FBXO44: variants seen among roughly 807,000 people sequenced by gnomAD.
The protein encoded by FBXO44 is F-box only protein 44.
A neutral mutation model predicts 33.5 loss-of-function variants in FBXO44; 25 were observed. That is an observed-to-expected ratio of 0.75 (90% CI 0.54 to 1.04). The LOEUF is 1.04. FBXO44 is among the 50% of genes least tolerant of loss of function. The pLI is 0.00. For missense variants in FBXO44, 311 were observed against 344.0 expected (o/e 0.90, Z 0.76); for synonymous variants, 147 against 152.8 (o/e 0.96, Z 0.28).
In FBXO44 at chr1:11,655,999, G is replaced by T. The variant is rs1333806313; in HGVS notation, c.164G>T (p.Gly55Val). Residue 55 changes from glycine to valine, a missense_variant, in exon 2 of 6, where the codon GGC (glycine) becomes GTC (valine). Transcript: ENST00000251547. ...TGGAAACGCAAGTGCCTGCGAGAGG[G>T]CTTCATCACTGAGGACTGGGACCAG... ...TLWKRKCLREGFITEDWDQPV... is the reference protein window; with the variant it reads ...TLWKRKCLREVFITEDWDQPV... 15 of 1,614,050 alleles carry T rather than the reference G, an allele frequency of 9.3e-6. No homozygotes were observed. Among genetic ancestry groups the T allele is most frequent in the Non-Finnish European group, 1.3e-5 (15 of 1,180,050 alleles).
chr1:11,658,131 G>C, intron 2 of FBXO44, 136 bp from the exon 3 acceptor site: 1 of 1,437,280 alleles, frequency 7.0e-7, no homozygotes, highest in Non-Finnish European at 9.5e-7. Flanking sequence ...TGGGCACTGT[G>C]ATCTGCAGCG....
At position 11,663,114 on chromosome 1, in the gene FBXO44, GC is replaced by G. The variant is rs1640281695; in HGVS notation, c.*1844del. 6.6e-6 allele frequency: 1 copy of G among 151,986 alleles called. No individual in the cohort carries two copies. The highest frequency in any genetic ancestry group is 2.1e-4 in the South Asian group (1 of 4,802). The allele number at this position is 151,986 out of a possible 1,614,324, so 9.4% of individuals were successfully genotyped here. On this transcript the variant is annotated 3_prime_UTR_variant, in exon 6 of 6. Coordinates refer to ENST00000251547, the MANE Select transcript of FBXO44 (RefSeq NM_033182.7). ...TGAGACTACAGGCGCCCACCACCATGCCCGGCTAATTTTGTTTGTATTTTTA... is the reference window on the plus strand; with the variant it reads ...TGAGACTACAGGCGCCCACCACCATGCCGGCTAATTTTGTTTGTATTTTTA...
At chr1:11,656,680 C>T (rs958796328) in intron 2 of FBXO44, among the ~76,000 whole-genome samples, 12 of 152,252 alleles carry the variant, frequency 7.9e-5, no homozygotes, top group Non-Finnish European at 5.9e-5. Flanking sequence ...CCAGGCTGGT[C>T]TCAAACTCCT....
rs1303534557 is a variant in FBXO44 at position 11,654,884 on chromosome 1, A to C, written c.-99A>C. ...GGGCCGGGGCGGGGCCTCGCTTTCCAGGCAAGCGCAGGTCCAGGCGGTGCA... is the reference window on the plus strand; with the variant it reads ...GGGCCGGGGCGGGGCCTCGCTTTCCCGGCAAGCGCAGGTCCAGGCGGTGCA... On this transcript the variant is annotated 5_prime_UTR_variant, in exon 1 of 6. Transcript: ENST00000251547. 1 of 142,808 alleles carries C rather than the reference A, an allele frequency of 7.0e-6. No individual in the cohort carries two copies. Among genetic ancestry groups the C allele is most frequent in the South Asian group, 1.9e-4 (1 of 5,260 alleles). 8.8% of individuals were successfully genotyped at this position (142,808 alleles called of 1,614,324 possible).
In FBXO44 at chr1:11,658,406, G is replaced by T. The variant is rs759974680; in HGVS notation, c.392+13G>T. ...TTACTTCATATTAGTAAGATCCGGG[G>T]ACTTGGGGTAGGGGAAAGCCCAAAT... On this transcript the variant is annotated intron_variant, in intron 3 of 5. Transcript: ENST00000251547. 1 of 1,613,840 alleles carries T rather than the reference G, an allele frequency of 6.2e-7. No individual in the cohort carries two copies. The highest frequency in any genetic ancestry group is 1.3e-5 in the African/African-American group (1 of 75,026).
Position 11,658,797 on chromosome 1 carries a change from G to A in FBXO44, c.550G>A (p.Ala184Thr), listed in dbSNP as rs767233539. Residue 184 changes from alanine (A) to threonine (T), a missense_variant, in exon 5 of 6, where the codon GCG becomes ACG. Coordinates refer to ENST00000251547, the MANE Select transcript of FBXO44 (RefSeq NM_033182.7). ...YQLCVQLLSS[A>T]HAPLGTFQPD... Reference sequence around the variant, plus strand: ...GCTGTGCGTTCAGCTCCTGTCGTCCGCGCACGCGCCTCTGGGGACCTTCCA... The same window carrying A: ...GCTGTGCGTTCAGCTCCTGTCGTCCACGCACGCGCCTCTGGGGACCTTCCA... 38 of 1,613,726 alleles carry A rather than the reference G, an allele frequency of 2.4e-5. No individual in the cohort carries two copies. Among genetic ancestry groups the A allele is most frequent in the South Asian group, 6.6e-5 (6 of 91,086 alleles).
In FBXO44 at chr1:11,661,228, G is replaced by A. The variant is rs201224343; in HGVS notation, c.723G>A (p.Pro241=). The change falls in exon 6 of 6, where the codon CCG becomes CCA. Residue 241 remains proline, a synonymous_variant. Transcript: ENST00000251547. This position sits in a 1 kb window ranked among gnomAD's most constrained non-coding sequence, Gnocchi z 4.4. ...ATTACTGGGCCGGCTGGTACGGCCC[G>A]AGGGTCACCAACAGCAGCATCACCA... The part of the protein sequence containing the change: ...DTHYWAGWYG[P]RVTNSSITIG... 1.5e-5 allele frequency: 25 copies of A among 1,613,998 alleles called. No individual in the cohort carries two copies. Among genetic ancestry groups the A allele is most frequent in the South Asian group, 4.4e-5 (4 of 91,080 alleles).
In FBXO44 at chr1:11,655,892, G is replaced by A. The variant is rs372110027; in HGVS notation, c.57G>A (p.Thr19=). 38 of 1,613,766 alleles carry A rather than the reference G, an allele frequency of 2.4e-5. No individual in the cohort carries two copies. The highest frequency in any genetic ancestry group is 1.5e-4 in the South Asian group (14 of 91,078). The change falls in exon 2 of 6, where the codon ACG becomes ACA. Residue 19 remains threonine, a synonymous_variant. Transcript: ENST00000251547. ...LPENILLELF[T]HVPARQLLLN... is the part of the protein sequence containing the mutation. ...AGAACATCCTGCTGGAGCTGTTCAC[G>A]CACGTGCCCGCCCGCCAGCTGCTGC...
intron 2 of FBXO44, among the ~76,000 whole-genome samples, chr1:11,656,458 T>TGG (rs1393979215): frequency 7.6e-6 from 1 of 132,206 alleles, no homozygotes; most frequent in East Asian, 2.5e-4. Context: ...CCACCACACC[T>TGG]GGCTAATTTT....
chr1:11,655,488 A>G (rs1238893090), intron 1 of FBXO44: 6 of 308,904 alleles, frequency 1.9e-5, no homozygotes, highest in Non-Finnish European at 3.7e-5. Context: ...CCGGCTGCGC[A>G]TTATATCCCC....
intron 5 of FBXO44, among the ~76,000 whole-genome samples, chr1:11,660,864 C>T (rs765435332): frequency 3.3e-5 from 5 of 152,146 alleles, no homozygotes; most frequent in Non-Finnish European, 7.3e-5. Flanking sequence ...CAGCTCACTG[C>T]AGTCTTGAAC....
rs991700787 is a variant in FBXO44 at position 11,658,116 on chromosome 1, C to T, written c.266-151C>T. ...CCTGCAACACAGGAAGCACCTAATACGCGGTGGGCACTGTGATCTGCAGCG... is the reference window on the plus strand; with the variant it reads ...CCTGCAACACAGGAAGCACCTAATATGCGGTGGGCACTGTGATCTGCAGCG... On this transcript the variant is annotated intron_variant, in intron 2 of 5. Transcript: ENST00000251547. 1.6e-5 allele frequency: 20 copies of T among 1,264,604 alleles called. 1 individual carries two copies. The Admixed American group carries it at 1.7e-4, about 11-fold the overall frequency. The allele number at this position is 1,264,604 out of a possible 1,614,324, so 78.3% of individuals were successfully genotyped here. A position where few individuals can be genotyped will look rare whatever the true frequency, so the allele number is the denominator to read the frequency against.
At position 11,662,954 on chromosome 1, in the gene FBXO44, C is replaced by CTTTTTTTTTTTTTTTT. The variant is rs60133415; in HGVS notation, c.*1686_*1701dup. The CTTTTTTTTTTTTTTTT allele has an allele frequency of 1.6e-5, 2 of 126,602 alleles. No individual in the cohort carries two copies. Among genetic ancestry groups the CTTTTTTTTTTTTTTTT allele is most frequent in the Admixed American group, 7.9e-5 (1 of 12,582 alleles). The allele number at this position is 126,602 out of a possible 1,614,324, so 7.8% of individuals were successfully genotyped here. A position where few individuals can be genotyped will look rare whatever the true frequency, so the allele number is the denominator to read the frequency against. ...GTAAGTTCCTTTTTTCTTTTCTTTT[C>CTTTTTTTTTTTTTTTT]TTTTTTTTTTTTTTTTTTTTGAGAT... On this transcript the variant is annotated 3_prime_UTR_variant, in exon 6 of 6. Coordinates refer to ENST00000251547, the MANE Select transcript of FBXO44 (RefSeq NM_033182.7).
At position 11,661,282 on chromosome 1, in the gene FBXO44, G is replaced by C. The variant is rs761145494; in HGVS notation, c.*9G>C. 1 of 1,613,996 alleles carries C rather than the reference G, an allele frequency of 6.2e-7. No individual in the cohort carries two copies. Among genetic ancestry groups the C allele is most frequent in the Non-Finnish European group, 8.5e-7 (1 of 1,179,978 alleles). ...GGCCCCCGCTGCCCTGACACCCCCT[G>C]AGCCCCCATCTGCTGAACCCTGACT... On this transcript the variant is annotated 3_prime_UTR_variant, in exon 6 of 6. Coordinates refer to ENST00000251547, the MANE Select transcript of FBXO44 (RefSeq NM_033182.7). The surrounding 1 kb of genome is among the most constrained non-coding windows in gnomAD (Gnocchi z 4.4).
Position 11,661,414 on chromosome 1 carries a change from CCT to C in FBXO44, c.*145_*146del, listed in dbSNP as rs1476477479. The C allele has an allele frequency of 7.7e-7, 1 of 1,302,878 alleles. No homozygotes were observed. The highest frequency in any genetic ancestry group is 1.1e-6 in the Non-Finnish European group (1 of 948,358). The allele number at this position is 1,302,878 out of a possible 1,614,324, so 80.7% of individuals were successfully genotyped here. ...CCCTAGCAGCCTCTTCTTTGTGGAG[CCT>C]CTCAGTGTGGGCAGCCCTCGCATGC... is the stretch of plus-strand genomic sequence containing the variant. On this transcript the variant is annotated 3_prime_UTR_variant, in exon 6 of 6. Coordinates refer to ENST00000251547, the MANE Select transcript of FBXO44 (RefSeq NM_033182.7). The surrounding 1 kb of genome is among the most constrained non-coding windows in gnomAD (Gnocchi z 4.4).
intron 2 of FBXO44, among the ~76,000 whole-genome samples, chr1:11,657,276 G>A (rs752855544): frequency 2.0e-5 from 3 of 152,090 alleles, no homozygotes; most frequent in Non-Finnish European, 4.4e-5. Flanking sequence ...CAATATTTTC[G>A]CACTTTGCCA....
chr1:11,661,205 T>C lies in FBXO44; in HGVS notation c.700T>C (p.Tyr234His), dbSNP rs1013301245. The change falls in exon 6 of 6, where the codon TAC (tyrosine) becomes CAC (histidine). Residue 234 changes from tyrosine to histidine, a missense_variant. Transcript: ENST00000251547. The surrounding 1 kb of genome is among the most constrained non-coding windows in gnomAD (Gnocchi z 4.4). ...WFQHGGVDTHYWAGWYGPRVT... is the reference protein window; with the variant it reads ...WFQHGGVDTHHWAGWYGPRVT... The stretch of plus-strand genomic sequence containing the variant: ...TCAGCACGGCGGCGTGGACACTCAT[T>C]ACTGGGCCGGCTGGTACGGCCCGAG... 2 of 1,614,016 alleles carry C rather than the reference T, an allele frequency of 1.2e-6. No individual in the cohort carries two copies. Among genetic ancestry groups the C allele is most frequent in the Non-Finnish European group, 1.7e-6 (2 of 1,179,990 alleles).
rs1397613753 is a variant in FBXO44, at chr1:11,663,259, T to C, written c.*1986T>C. On this transcript the variant is annotated 3_prime_UTR_variant, in exon 6 of 6. Transcript: ENST00000251547. ...AGGCGTGAGCCACCGCGCCCAGCGA[T>C]TGTTTCTTGAGGCTTCCCCAGCCAT... 1 of 152,098 alleles carries C rather than the reference T, an allele frequency of 6.6e-6. No homozygotes were observed. Among genetic ancestry groups the C allele is most frequent in the Non-Finnish European group, 1.5e-5 (1 of 68,018 alleles). The allele number at this position is 152,098 out of a possible 1,614,324, so 9.4% of individuals were successfully genotyped here. A position where few individuals can be genotyped will look rare whatever the true frequency, so the allele number is the denominator to read the frequency against.
chr1:11,657,082 T>C (rs1639860304), intron 2 of FBXO44, among the ~76,000 whole-genome samples: 1 of 152,196 alleles, frequency 6.6e-6, no homozygotes, highest in South Asian at 2.1e-4. Context: ...TTCCACAACA[T>C]GACCAAATTC....
Sources: allele counts gnomAD v4.1 joint callset (sites outside exome capture counted in the v4.1 genomes callset), GRCh38; gene constraint gnomAD v4.1.1; non-coding constraint Gnocchi (gnomAD v3.1); transcripts MANE v1.5; gene names NCBI Gene and HGNC (gene_info 2026-07-23, HGNC 2026-07-21).